CANT1: variants seen among roughly 807,000 people sequenced by gnomAD.
CANT1 encodes the protein soluble calcium-activated nucleotidase 1.
A neutral mutation model predicts 30.0 loss-of-function variants in CANT1; 26 were observed. The ratio of observed to expected loss-of-function variants is 0.87; its 90% CI spans 0.64 to 1.20. The LOEUF is 1.20. Ranked by LOEUF, CANT1 falls within the 50% of genes most tolerant of loss-of-function variation. The pLI is 0.00. For missense variants in CANT1, 518 were observed against 563.0 expected, an observed-to-expected ratio of 0.92 and a Z score of 0.81; for synonymous variants, 246 against 251.8, an observed-to-expected ratio of 0.98 and a Z score of 0.22.
rs938631081 is a variant in CANT1, at chr17:79,009,731, G to C, written c.-214C>G. 6.6e-6 allele frequency: 1 copy of C among 151,640 alleles called. No homozygotes were observed. The highest frequency in any genetic ancestry group is 1.5e-5 in the Non-Finnish European group (1 of 67,842). 9.4% of individuals were successfully genotyped at this position (151,640 alleles called of 1,614,324 possible). A position where few individuals can be genotyped will look rare whatever the true frequency, so the allele number is the denominator to read the frequency against. On this transcript the variant is annotated 5_prime_UTR_variant, in exon 1 of 5. Coordinates refer to ENST00000392446, the MANE Select transcript of CANT1 (RefSeq NM_001159773.2). Reference sequence around the variant, plus strand: ...GGCTGGGCTTGGCTGGGCTTGGCTGGGCTAACGGCCGGGACGGAGGAAGGT... The same window carrying C: ...GGCTGGGCTTGGCTGGGCTTGGCTGCGCTAACGGCCGGGACGGAGGAAGGT...
chr17:78,995,002 G>C lies in CANT1; in HGVS notation c.835+16C>G, dbSNP rs1360744855. On this transcript the variant is annotated intron_variant, in intron 4 of 4. Transcript: ENST00000392446. The surrounding 1 kb of genome is among the most constrained non-coding windows in gnomAD (Gnocchi z 5.7). Reference sequence around the variant, plus strand: ...CTGTGGAAGCCACACTGTGGGCTGGGGCAGGCGTCTCTTACCTGGCGGCTG... The same window carrying C: ...CTGTGGAAGCCACACTGTGGGCTGGCGCAGGCGTCTCTTACCTGGCGGCTG... 1 of 1,553,764 alleles carries C rather than the reference G, an allele frequency of 6.4e-7. No homozygotes were observed. The highest frequency in any genetic ancestry group is 8.7e-7 in the Non-Finnish European group (1 of 1,150,594).
rs1172922282 is a variant in CANT1, at chr17:78,993,305, T to C, written c.*245A>G. On this transcript the variant is annotated 3_prime_UTR_variant, in exon 5 of 5. Coordinates refer to ENST00000392446, the MANE Select transcript of CANT1 (RefSeq NM_001159773.2). This position sits in a 1 kb window ranked among gnomAD's most constrained non-coding sequence, Gnocchi z 4.5. ...ACGACCCAGCCAGTTAGGCAGGCCT[T>C]GAGTCAATGCCTGAAGTGACCGAAA... The C allele has an allele frequency of 5.4e-6, 3 of 555,582 alleles. No individual in the cohort carries two copies. Among genetic ancestry groups the C allele is most frequent in the African/African-American group, 3.8e-5 (2 of 53,178 alleles). 34.4% of individuals were successfully genotyped at this position (555,582 alleles called of 1,614,324 possible). A position where few individuals can be genotyped will look rare whatever the true frequency, so the allele number is the denominator to read the frequency against.
At chr17:78,994,478 C>T (rs572293513) in intron 4 of CANT1, among the ~76,000 whole-genome samples, 2 of 152,322 alleles carry the variant, frequency 1.3e-5, no homozygotes, top group East Asian at 1.9e-4. Flanking sequence ...TGCAGACAAC[C>T]GGGCCACAGG....
At position 78,995,295 on chromosome 17, in the gene CANT1, C is replaced by A; in HGVS notation, c.632-74G>T. On this transcript the variant is annotated intron_variant, in intron 3 of 4. Transcript: ENST00000392446. The surrounding 1 kb of genome is among the most constrained non-coding windows in gnomAD (Gnocchi z 5.7). ...CCCTGCACCTGGCTCCCACCCGGCC[C>A]CGCACCTGTCCTTAGACCCCGCACC... is the stretch of plus-strand genomic sequence containing the variant. 6.7e-7 allele frequency: 1 copy of A among 1,482,350 alleles called. No homozygotes were observed. Among genetic ancestry groups the A allele is most frequent in the Admixed American group, 1.9e-5 (1 of 53,976 alleles). 91.8% of individuals were successfully genotyped at this position (1,482,350 alleles called of 1,614,324 possible). A position where few individuals can be genotyped will look rare whatever the true frequency, so the allele number is the denominator to read the frequency against.
In CANT1 at chr17:79,008,979, A is replaced by G. The variant is rs2071645740; in HGVS notation, c.-147+685T>C. ...TGACCAAGTGCCAGTCAGAGGGAGAAAATTCCCTTATCAGTCCAAGGAGAC... is the reference window on the plus strand; with the variant it reads ...TGACCAAGTGCCAGTCAGAGGGAGAGAATTCCCTTATCAGTCCAAGGAGAC... On this transcript the variant is annotated intron_variant, in intron 1 of 4. Transcript: ENST00000392446. This position sits in a 1 kb window ranked among gnomAD's most constrained non-coding sequence, Gnocchi z 4.4. Among the ~76,000 whole-genome samples the G allele has an allele frequency of 6.6e-6, 1 of 152,198 alleles. No homozygotes were observed. Among genetic ancestry groups the G allele is most frequent in the East Asian group, 1.9e-4 (1 of 5,206 alleles).
rs758170862 is a variant in CANT1 at position 78,995,053 on chromosome 17, T to C, written c.800A>G (p.Asn267Ser). Reference protein sequence around the residue: ...VDHENWVSNYNALRAAAGIQP... With the variant: ...VDHENWVSNYSALRAAAGIQP... The stretch of plus-strand genomic sequence containing the variant: ...GATGCCGGCAGCAGCCCGCAGGGCG[T>C]TGTAGTTGGACACCCAGTTCTCGTG... Residue 267 changes from asparagine to serine, a missense_variant, in exon 4 of 5, where the codon AAC (asparagine) becomes AGC (serine). By Grantham distance (46) the Asn-to-Ser change is conservative. Coordinates refer to ENST00000392446, the MANE Select transcript of CANT1 (RefSeq NM_001159773.2). The surrounding 1 kb of genome is among the most constrained non-coding windows in gnomAD (Gnocchi z 5.7). 2.5e-6 allele frequency: 4 copies of C among 1,598,838 alleles called. No homozygotes were observed. In the South Asian group the frequency reaches 4.5e-5, roughly 18 times the overall value.
chr17:79,005,144 G>GGGGGAGTTAGGGAGAGGAGTTAAGGAGA (rs2071488315), intron 1 of CANT1, among the ~76,000 whole-genome samples: 1 of 81,618 alleles, frequency 1.2e-5, no homozygotes, highest in Non-Finnish European at 2.2e-5. Flanking sequence ...ATTTAGGGAG[G>GGGGGAGTTAGGGAGAGGAGTTAAGGAGA]GGGGAGTTAG....
rs2070893213 is a variant in CANT1 at position 78,993,111 on chromosome 17, C to T, written c.*439G>A. 1 of 348,900 alleles carries T rather than the reference C, an allele frequency of 2.9e-6. No individual in the cohort carries two copies. The highest frequency in any genetic ancestry group is 4.5e-5 in the Admixed American group (1 of 22,262). 21.6% of individuals were successfully genotyped at this position (348,900 alleles called of 1,614,324 possible). ...AGGGGTGGACATGATGCTCCAGGCA[C>T]AGAGTAGGAAGAAAAGGGGGTGACC... On this transcript the variant is annotated 3_prime_UTR_variant, in exon 5 of 5. Transcript: ENST00000392446. The surrounding 1 kb of genome is among the most constrained non-coding windows in gnomAD (Gnocchi z 4.5).
Position 78,996,992 on chromosome 17 carries a change from C to T in CANT1, c.631G>A (p.Gly211Ser). 6.2e-7 allele frequency: 1 copy of T among 1,614,056 alleles called. No individual in the cohort carries two copies. The highest frequency in any genetic ancestry group is 1.6e-4 in the Middle Eastern group (1 of 6,062). The change falls in exon 3 of 5, where the codon GGC becomes AGC. Residue 211 changes from glycine (G) to serine (S), a missense_variant and splice_region_variant. By Grantham distance (56) the Gly-to-Ser change is moderately conservative. Transcript: ENST00000392446. This position sits in a 1 kb window ranked among gnomAD's most constrained non-coding sequence, Gnocchi z 5.1. The part of the protein sequence containing the change: ...LSDGDGTVEK[G>S]FKAEWLAVKD... ...CCATAAAACCTCAGGGTCCAGTTAC[C>T]TTTCTCCACGGTGCCGTCGCCGTCG...
At chr17:79,006,509 G>A (rs1020246593) in intron 1 of CANT1, among the ~76,000 whole-genome samples, 1 of 152,214 alleles carries the variant, frequency 6.6e-6, no homozygotes, top group Non-Finnish European at 1.5e-5. Flanking sequence ...AATCACAGGA[G>A]GAAGAGGGGA....
In CANT1 at chr17:78,993,651, TGCCGC is replaced by T. The variant is rs748874313; in HGVS notation, c.1100_1104del (p.Ser367LysfsTer82). 6.2e-7 allele frequency: 1 copy of T among 1,614,264 alleles called. No individual in the cohort carries two copies. Among genetic ancestry groups the T allele is most frequent in the Non-Finnish European group, 8.5e-7 (1 of 1,180,040 alleles). ...AAGGCCATGATGTAGGAGGCGACTCTGCCGCTGTCCTCCTCGGATTTGAGGGCCAC... is the reference window on the plus strand; with the variant it reads ...AAGGCCATGATGTAGGAGGCGACTCTTGTCCTCCTCGGATTTGAGGGCCAC... On this transcript the variant is annotated frameshift_variant, in exon 5 of 5. Coordinates refer to ENST00000392446, the MANE Select transcript of CANT1 (RefSeq NM_001159773.2). LOFTEE classifies it high-confidence loss of function. The surrounding 1 kb of genome is among the most constrained non-coding windows in gnomAD (Gnocchi z 4.5).
chr17:78,999,642 ATTTTTTTTTT>A (rs35755919), intron 1 of CANT1, among the ~76,000 whole-genome samples: 174 of 97,348 alleles, frequency 1.8e-3, no homozygotes, highest in African/African-American at 6.5e-3. Flanking sequence ...CGCACAGCGA[ATTTTTTTTTT>A]TTTTTTTTTT....
In CANT1 at chr17:78,995,380, G is replaced by A. The variant is rs1185414016; in HGVS notation, c.632-159C>T. 2.7e-6 allele frequency: 2 copies of A among 738,108 alleles called. No homozygotes were observed. Among genetic ancestry groups the A allele is most frequent in the African/African-American group, 1.7e-5 (1 of 57,584 alleles). 45.7% of individuals were successfully genotyped at this position (738,108 alleles called of 1,614,324 possible). On this transcript the variant is annotated intron_variant, in intron 3 of 4. Coordinates refer to ENST00000392446, the MANE Select transcript of CANT1 (RefSeq NM_001159773.2). This position sits in a 1 kb window ranked among gnomAD's most constrained non-coding sequence, Gnocchi z 5.7. ...CGGCCCGCACCTGGCTCCCGCCCAG[G>A]GCCGGCCGGCTGCCCTCCCCTCAGC...
Position 78,995,917 on chromosome 17 carries a change from G to A in CANT1, c.632-696C>T, listed in dbSNP as rs969045528. 6.6e-6 allele frequency among the ~76,000 whole-genome samples: 1 copy of A among 151,978 alleles called. No homozygotes were observed. Among genetic ancestry groups the A allele is most frequent in the Admixed American group, 6.6e-5 (1 of 15,256 alleles). ...TCTGCAGGGCCCTGGAGGGACCTGCGGTCTCCTGGTCTGCTTGTGCGATGA... is the reference window on the plus strand; with the variant it reads ...TCTGCAGGGCCCTGGAGGGACCTGCAGTCTCCTGGTCTGCTTGTGCGATGA... On this transcript the variant is annotated intron_variant, in intron 3 of 4. Transcript: ENST00000392446. This position sits in a 1 kb window ranked among gnomAD's most constrained non-coding sequence, Gnocchi z 5.7.
chr17:78,995,286 C>T lies in CANT1; in HGVS notation c.632-65G>A. 3 of 1,531,646 alleles carry T rather than the reference C, an allele frequency of 2.0e-6. No individual in the cohort carries two copies. Among genetic ancestry groups the T allele is most frequent in the Non-Finnish European group, 2.7e-6 (3 of 1,124,576 alleles). 94.9% of individuals were successfully genotyped at this position (1,531,646 alleles called of 1,614,324 possible). A position where few individuals can be genotyped will look rare whatever the true frequency, so the allele number is the denominator to read the frequency against. On this transcript the variant is annotated intron_variant, in intron 3 of 4. Coordinates refer to ENST00000392446, the MANE Select transcript of CANT1 (RefSeq NM_001159773.2). The surrounding 1 kb of genome is among the most constrained non-coding windows in gnomAD (Gnocchi z 5.7). ...CCGCCGCACCCCTGCACCTGGCTCC[C>T]ACCCGGCCCCGCACCTGTCCTTAGA...
In CANT1 at chr17:78,993,319, A is replaced by G. The variant is rs2070898214; in HGVS notation, c.*231T>C. The G allele has an allele frequency of 1.7e-6, 1 of 587,822 alleles. No individual in the cohort carries two copies. Among genetic ancestry groups the G allele is most frequent in the Non-Finnish European group, 3.0e-6 (1 of 332,682 alleles). The allele number at this position is 587,822 out of a possible 1,614,324, so 36.4% of individuals were successfully genotyped here. A position where few individuals can be genotyped will look rare whatever the true frequency, so the allele number is the denominator to read the frequency against. On this transcript the variant is annotated 3_prime_UTR_variant, in exon 5 of 5. Coordinates refer to ENST00000392446, the MANE Select transcript of CANT1 (RefSeq NM_001159773.2). The surrounding 1 kb of genome is among the most constrained non-coding windows in gnomAD (Gnocchi z 4.5). Reference sequence around the variant, plus strand: ...TAGGCAGGCCTTGAGTCAATGCCTGAAGTGACCGAAATCACCACCAGATGG... The same window carrying G: ...TAGGCAGGCCTTGAGTCAATGCCTGGAGTGACCGAAATCACCACCAGATGG...
rs1192687692 is a variant in CANT1, at chr17:78,994,972, CTG to C, written c.835+44_835+45del. 10 of 1,534,684 alleles carry C rather than the reference CTG, an allele frequency of 6.5e-6. No individual in the cohort carries two copies. The East Asian group carries it at 2.4e-4, about 37-fold the overall frequency. ...GCAGGAGGAAGCAGGTTCCCAGCGA[CTG>C]GGCTGTGGAAGCCACACTGTGGGCT... On this transcript the variant is annotated intron_variant, in intron 4 of 4. Transcript: ENST00000392446.
rs2071286619 is a variant in CANT1 at position 79,002,167 on chromosome 17, C to T, written c.-146-4204G>A. On this transcript the variant is annotated intron_variant, in intron 1 of 4. Transcript: ENST00000392446. This position sits in a 1 kb window ranked among gnomAD's most constrained non-coding sequence, Gnocchi z 4.0. ...TGATGAGATGAGATTTTTTGTTAAG[C>T]TCATCAGCTATCAATGGATTTTATG... Among the ~76,000 whole-genome samples, 1 of 152,102 alleles carries T rather than the reference C, an allele frequency of 6.6e-6. No individual in the cohort carries two copies. Among genetic ancestry groups the T allele is most frequent in the Non-Finnish European group, 1.5e-5 (1 of 68,004 alleles).
rs1392099920 is a variant in CANT1, at chr17:79,008,545, A to C, written c.-147+1119T>G. Among the ~76,000 whole-genome samples the C allele has an allele frequency of 1.3e-5, 2 of 152,220 alleles. No individual in the cohort carries two copies. Among genetic ancestry groups the C allele is most frequent in the South Asian group, 2.1e-4 (1 of 4,826 alleles). On this transcript the variant is annotated intron_variant, in intron 1 of 4. Transcript: ENST00000392446. The surrounding 1 kb of genome is among the most constrained non-coding windows in gnomAD (Gnocchi z 4.4). Reference sequence around the variant, plus strand: ...TGGTAGGAAAGGCCATAGGGCATACAACCTCAAGAATAAAATAAGAAATGG... The same window carrying C: ...TGGTAGGAAAGGCCATAGGGCATACCACCTCAAGAATAAAATAAGAAATGG...
Sources: allele counts gnomAD v4.1 joint callset (sites outside exome capture counted in the v4.1 genomes callset), GRCh38; gene constraint gnomAD v4.1.1; non-coding constraint Gnocchi (gnomAD v3.1); transcripts MANE v1.5; gene names NCBI Gene and HGNC (gene_info 2026-07-23, HGNC 2026-07-21).